Variants in PLB1 observed in about 807,000 individuals in gnomAD.
The protein encoded by PLB1 is phospholipase B1.
PLB1 carries 242 observed loss-of-function variants against 227.4 expected under a neutral mutation model. The observed-to-expected ratio is 1.06, with a 90% CI of 0.96 to 1.18. The LOEUF (loss-of-function observed/expected upper bound fraction) is 1.18. Among genes scored for constraint, PLB1 ranks in the 50% most tolerant of loss-of-function variants. The probability of loss-of-function intolerance (pLI) is 0.00; values close to 1 mark genes in which losing one functional copy is unlikely to be tolerated. For synonymous variants in PLB1, 757 were observed against 682.2 expected (o/e 1.11, Z -1.71); for missense variants, 1,858 against 1,816.3 (o/e 1.02, Z -0.42).
At chr2:28,524,799 C>T (rs957310935) in intron 4 of PLB1, among the ~76,000 whole-genome samples, 3 of 151,206 alleles carry the variant, frequency 2.0e-5, no homozygotes, top group African/African-American at 7.3e-5. Flanking sequence ...TTCCTCCCTG[C>T]AGAAGGAGCC....
At chr2:28,579,810 G>T in intron 23 of PLB1, 103 bp downstream of exon 23, 1 of 981,250 alleles carries the variant, frequency 1.0e-6, no homozygotes, top group South Asian at 1.3e-5. Context: ...TTGGGACTCA[G>T]GCTCATGGTT....
intron 4 of PLB1, among the ~76,000 whole-genome samples, chr2:28,524,526 C>A (rs1007107370): frequency 1.3e-4 from 20 of 151,024 alleles, no homozygotes; most frequent in Admixed American, 6.6e-5. Context: ...TAAATACTTA[C>A]AACACACCCA....
rs140023055 is a variant in PLB1, at chr2:28,620,607, G to C, written c.3391G>C (p.Gly1131Arg). Residue 1131 changes from glycine (G) to arginine (R), a missense_variant, in exon 48 of 58, where the codon GGG becomes CGG. Physicochemically the swap from Gly to Arg is moderately radical, Grantham distance 125 (BLOSUM62 -2). Transcript: ENST00000327757. ...ATGCTTTCTCCTCCCCAGCATTGGAGGGGATGGGAACTTGGAGACTCACAC... is the reference window on the plus strand; with the variant it reads ...ATGCTTTCTCCTCCCCAGCATTGGACGGGATGGGAACTTGGAGACTCACAC... Reference protein sequence around the residue: ...SWRGLSWSIGGDGNLETHTTL... With the variant: ...SWRGLSWSIGRDGNLETHTTL... 105 of 1,613,758 alleles carry C rather than the reference G, an allele frequency of 6.5e-5. No individual in the cohort carries two copies. In the African/African-American group the frequency reaches 1.2e-3, roughly 19 times the overall value.
At chr2:28,615,889 A>G (rs1198510107) in intron 44 of PLB1, among the ~76,000 whole-genome samples, 3 of 152,256 alleles carry the variant, frequency 2.0e-5, no homozygotes, top group East Asian at 1.9e-4. Context: ...TTTCTACTCA[A>G]AGTAACCACA....
At chr2:28,628,813 G>C (rs1345658018) in intron 52 of PLB1, among the ~76,000 whole-genome samples, 185 bp downstream of exon 52, 3 of 152,210 alleles carry the variant, frequency 2.0e-5, no homozygotes, top group Admixed American at 1.3e-4. Flanking sequence ...CAGAGACAGG[G>C]TTGTGTGGTA....
chr2:28,532,655 G>A (rs915439921), intron 9 of PLB1, among the ~76,000 whole-genome samples: 2 of 152,128 alleles, frequency 1.3e-5, no homozygotes, highest in Non-Finnish European at 2.9e-5. Context: ...GAGAAAATTA[G>A]CGTCCTAGTT....
Position 28,589,685 on chromosome 2 carries a change from C to A in PLB1, c.1931C>A (p.Pro644His). The change falls in exon 28 of 58, where the codon CCT (proline) becomes CAT (histidine). Residue 644 changes from proline (P) to histidine (H), a missense_variant. By Grantham distance (77) the Pro-to-His change is moderately conservative. Coordinates refer to ENST00000327757, the MANE Select transcript of PLB1 (RefSeq NM_153021.5). ...CTGCCCGGTGACCAGGAAGGATTGC[C>A]TGACAACTCTTTCTTCGCTCCTGAC... Reference protein sequence around the residue: ...VDMPKTSEGLPDNSFFAPDCF... With the variant: ...VDMPKTSEGLHDNSFFAPDCF... 1 of 1,614,084 alleles carries A rather than the reference C, an allele frequency of 6.2e-7. No homozygotes were observed. Among genetic ancestry groups the A allele is most frequent in the Non-Finnish European group, 8.5e-7 (1 of 1,180,012 alleles).
At chr2:28,561,960 TAGA>T (rs1430021580) in intron 17 of PLB1, among the ~76,000 whole-genome samples, 27 of 152,160 alleles carry the variant, frequency 1.8e-4, no homozygotes, top group Middle Eastern at 3.4e-3. Flanking sequence ...TTATGCAAAA[TAGA>T]AGAAGCCAAA....
chr2:28,640,912 T>A lies in PLB1; in HGVS notation c.4099-15T>A, dbSNP rs1359917484. ...AGCTTTGGAGAGAATCGAGGTGTCC[T>A]TTCTCTCTCTCCAGCTGGAACCAGT... On this transcript the variant is annotated splice_polypyrimidine_tract_variant and intron_variant, in intron 56 of 57. Transcript: ENST00000327757. 17 of 1,610,842 alleles carry A rather than the reference T, an allele frequency of 1.1e-5. No individual in the cohort carries two copies. The highest frequency in any genetic ancestry group is 1.4e-5 in the Non-Finnish European group (17 of 1,178,096).
intron 1 of PLB1, among the ~76,000 whole-genome samples, chr2:28,501,939 T>G (rs1032682551): frequency 6.6e-6 from 1 of 152,164 alleles, no homozygotes; most frequent in Non-Finnish European, 1.5e-5. Context: ...TGCATGTATC[T>G]TTTTCAAGTT....
chr2:28,640,943 G>C lies in PLB1; in HGVS notation c.4115G>C (p.Arg1372Pro), dbSNP rs150927025. 1.2e-6 allele frequency: 2 copies of C among 1,613,494 alleles called. No homozygotes were observed. The highest frequency in any genetic ancestry group is 4.5e-5 in the East Asian group (2 of 44,854). ...TCTCTCCAGCTGGAACCAGTGGGCC[G>C]CAAGACTACCTCCAACAACTTCACC... ...LWNNMLEPVGRKTTSNNFTHS... is the reference protein window; with the variant it reads ...LWNNMLEPVGPKTTSNNFTHS... The change falls in exon 57 of 58, where the codon CGC (arginine) becomes CCC (proline). Residue 1372 changes from arginine to proline, a missense_variant. Coordinates refer to ENST00000327757, the MANE Select transcript of PLB1 (RefSeq NM_153021.5).
At chr2:28,540,294 C>T (rs943640408) in intron 11 of PLB1, 72 bp from the exon 12 acceptor site, 260 of 1,262,124 alleles carry the variant, frequency 2.1e-4, no homozygotes, top group Middle Eastern at 2.0e-3. Flanking sequence ...CCATAAGAGG[C>T]GGGCTGGATG....
intron 49 of PLB1, among the ~76,000 whole-genome samples, chr2:28,621,314 TG>T (rs1273093214): frequency 6.6e-6 from 1 of 152,158 alleles, no homozygotes; most frequent in Non-Finnish European, 1.5e-5. Flanking sequence ...ACCCGGGCGC[TG>T]TCCCTGCTGG....
chr2:28,504,990 T>A (rs1667494402), intron 1 of PLB1, among the ~76,000 whole-genome samples: 1 of 152,222 alleles, frequency 6.6e-6, no homozygotes, highest in East Asian at 1.9e-4. Flanking sequence ...AGAGAAGATA[T>A]AAGTGTTCAT....
At chr2:28,515,255 T>C (rs371454718) in intron 1 of PLB1, among the ~76,000 whole-genome samples, 13 of 152,294 alleles carry the variant, frequency 8.5e-5, no homozygotes, top group Middle Eastern at 3.4e-3. Flanking sequence ...CTTAAAATCA[T>C]CTCTTCAGAG....
rs1025136224 is a variant in PLB1, at chr2:28,582,561, G to T, written c.1733+56G>T. On this transcript the variant is annotated intron_variant, in intron 25 of 57. Transcript: ENST00000327757. ...AAGAATCCTCACTGCTAAGGGCAGT[G>T]GCACCCTTAGCAAATTCCTTAGAAA... The T allele has an allele frequency of 3.0e-6, 4 of 1,344,248 alleles. No homozygotes were observed. In the East Asian group the frequency reaches 1.0e-4, roughly 34 times the overall value. 83.3% of individuals were successfully genotyped at this position (1,344,248 alleles called of 1,614,324 possible). A position where few individuals can be genotyped will look rare whatever the true frequency, so the allele number is the denominator to read the frequency against.
At chr2:28,527,247 C>A (rs975260138) in intron 6 of PLB1, among the ~76,000 whole-genome samples, 1 of 152,154 alleles carries the variant, frequency 6.6e-6, no homozygotes, top group Non-Finnish European at 1.5e-5. Context: ...AGCAGAGGGG[C>A]CAGGAGTCCC....
chr2:28,513,973 A>G (rs1369960012), intron 1 of PLB1, among the ~76,000 whole-genome samples: 1 of 152,236 alleles, frequency 6.6e-6, no homozygotes, highest in African/African-American at 2.4e-5. Flanking sequence ...AGCATCTTTC[A>G]TCATAATTAA....
intron 31 of PLB1, among the ~76,000 whole-genome samples, chr2:28,591,993 C>T (rs1682036801): frequency 6.6e-6 from 1 of 152,210 alleles, no homozygotes; most frequent in Non-Finnish European, 1.5e-5. Flanking sequence ...CTCCTGCCCA[C>T]CTGCGCCTCT....
Sources: allele counts gnomAD v4.1 joint callset (sites outside exome capture counted in the v4.1 genomes callset), GRCh38; gene constraint gnomAD v4.1.1; transcripts MANE v1.5; gene names NCBI Gene and HGNC (gene_info 2026-07-23, HGNC 2026-07-21).